Variants in PCDH15 observed in about 807,000 individuals in gnomAD.
PCDH15 encodes the protein protocadherin-15.
PCDH15 carries 129 observed loss-of-function variants against 178.5 expected under a neutral mutation model. The ratio of observed to expected loss-of-function variants is 0.72; its 90% CI spans 0.63 to 0.84. The LOEUF is 0.84. Ranked by LOEUF, PCDH15 falls within the 40% of genes least tolerant of loss-of-function variation. The pLI, the probability that PCDH15 is intolerant of heterozygous loss-of-function variation, is 0.00. For synonymous variants in PCDH15, 800 were observed against 732.0 expected (o/e 1.09, Z -1.50); for missense variants, 2,230 against 2,099.9 (o/e 1.06, Z -1.21).
chr10:55,622,527 T>A, intron 2 of PCDH15, among the ~76,000 whole-genome samples: 1 of 150,624 alleles, frequency 6.6e-6, no homozygotes, highest in East Asian at 1.9e-4. Context: ...TTACCCAACT[T>A]TACTCAGCTG....
At chr10:54,968,038 C>G (rs947613986) in intron 2 of PCDH15, among the ~76,000 whole-genome samples, 3 of 152,108 alleles carry the variant, frequency 2.0e-5, no homozygotes, top group Non-Finnish European at 4.4e-5. Context: ...TTAACATACG[C>G]ATTTTGGGGA....
chr10:53,991,353 C>T (rs1310787472), intron 21 of PCDH15, among the ~76,000 whole-genome samples: 3 of 152,126 alleles, frequency 2.0e-5, no homozygotes, highest in African/African-American at 7.2e-5. Context: ...CTGTGTCTAG[C>T]TTGGGGTTCG....
chr10:54,683,907 A>T (rs1442023835), intron 1 of PCDH15, among the ~76,000 whole-genome samples: 2 of 152,092 alleles, frequency 1.3e-5, no homozygotes, highest in South Asian at 2.1e-4. Flanking sequence ...TTTGAAAATC[A>T]TCTAGAAAGG....
chr10:54,879,470 T>G (rs1412228375), intron 3 of PCDH15, among the ~76,000 whole-genome samples: 1 of 152,090 alleles, frequency 6.6e-6, no homozygotes, highest in Non-Finnish European at 1.5e-5. Context: ...TAGAAAGATT[T>G]TATTCAAACT....
intron 9 of PCDH15, among the ~76,000 whole-genome samples, chr10:54,226,288 T>C (rs1043417223): frequency 5.9e-5 from 9 of 152,160 alleles, no homozygotes; most frequent in African/African-American, 2.2e-4. Flanking sequence ...AACTCTGCTT[T>C]TTAAAACCAT....
At chr10:55,115,663 C>T (rs534611719) in intron 2 of PCDH15, among the ~76,000 whole-genome samples, 1 of 152,228 alleles carries the variant, frequency 6.6e-6, no homozygotes, top group Non-Finnish European at 1.5e-5. Flanking sequence ...TGACAACCTG[C>T]TTGTTTCTGG....
At chr10:54,225,575 A>T (rs2053342859) in intron 9 of PCDH15, among the ~76,000 whole-genome samples, 1 of 152,196 alleles carries the variant, frequency 6.6e-6, no homozygotes, top group Non-Finnish European at 1.5e-5. Context: ...CCATTCCCTT[A>T]TAATCACTGA....
chr10:55,180,836 T>C (rs1484817865), intron 1 of PCDH15, among the ~76,000 whole-genome samples: 1 of 152,102 alleles, frequency 6.6e-6, no homozygotes, highest in Non-Finnish European at 1.5e-5. Flanking sequence ...TTGTTTTGAG[T>C]TAACACTTAT....
chr10:54,237,000 GC>G, intron 8 of PCDH15, 69 bp from the exon 9 acceptor site: 1 of 1,325,522 alleles, frequency 7.5e-7, no homozygotes, highest in Non-Finnish European at 1.1e-6. Context: ...TGAGACAGAT[GC>G]TTTAGTTTGG....
intron 1 of PCDH15, among the ~76,000 whole-genome samples, chr10:54,760,220 C>T (rs943318806): frequency 3.3e-5 from 5 of 151,844 alleles, no homozygotes; most frequent in East Asian, 1.9e-4. Context: ...CAACTGTTTT[C>T]CCAGAATATA....
At chr10:54,623,452 A>T (rs1030505862) in intron 2 of PCDH15, among the ~76,000 whole-genome samples, 1 of 152,124 alleles carries the variant, frequency 6.6e-6, no homozygotes, top group African/African-American at 2.4e-5. Flanking sequence ...TCATAACATG[A>T]AAGGATTAAG....
chr10:54,298,483 C>G (rs1164609144), intron 8 of PCDH15, among the ~76,000 whole-genome samples: 1 of 152,150 alleles, frequency 6.6e-6, no homozygotes, highest in African/African-American at 2.4e-5. Flanking sequence ...GGCCAATCAC[C>G]CAGTGGGGCT....
At chr10:54,608,236 G>A (rs2092831523) in intron 2 of PCDH15, among the ~76,000 whole-genome samples, 1 of 151,732 alleles carries the variant, frequency 6.6e-6, no homozygotes. Context: ...GGGAGGCCGA[G>A]GTGGCTGGAT....
intron 2 of PCDH15, among the ~76,000 whole-genome samples, chr10:55,583,456 C>T (rs556213832): frequency 6.6e-6 from 1 of 152,154 alleles, no homozygotes; most frequent in East Asian, 1.9e-4. Flanking sequence ...ATGTTTAAGA[C>T]AGGGTCTCAC....
At chr10:54,790,330 G>A (rs1951282884) in intron 1 of PCDH15, among the ~76,000 whole-genome samples, 1 of 150,978 alleles carries the variant, frequency 6.6e-6, no homozygotes, top group Non-Finnish European at 1.5e-5. Flanking sequence ...TTTTACATAT[G>A]TATATATTTA....
chr10:55,458,459 T>G (rs1341133382), intron 2 of PCDH15, among the ~76,000 whole-genome samples: 1 of 152,048 alleles, frequency 6.6e-6, no homozygotes, highest in Non-Finnish European at 1.5e-5. Context: ...TGATTCCTCT[T>G]AATCATACCA....
At chr10:54,680,186 A>C (rs1055900176) in intron 1 of PCDH15, among the ~76,000 whole-genome samples, 1 of 152,206 alleles carries the variant, frequency 6.6e-6, no homozygotes, top group Non-Finnish European at 1.5e-5. Context: ...GATAAGAGAT[A>C]AATGAAAATA....
intron 37 of PCDH15, chr10:53,808,716 A>C (rs572152722): frequency 1.9e-6 from 3 of 1,612,978 alleles, no homozygotes; most frequent in Non-Finnish European, 2.5e-6. Flanking sequence ...TGTAACCTTC[A>C]GAGTTTGCTC....
chr10:54,660,479 C>A lies in PCDH15; in HGVS notation c.91+3693G>T, dbSNP rs144287969. On this transcript the variant is annotated intron_variant, in intron 2 of 37. Coordinates refer to ENST00000644397, the MANE Select transcript of PCDH15 (RefSeq NM_001384140.1). Reference sequence around the variant, plus strand: ...GAAATTGAATTAGTAATAAAAAATCCATTTTCCAAAAAAAGCCAGGACCAA... The same window carrying A: ...GAAATTGAATTAGTAATAAAAAATCAATTTTCCAAAAAAAGCCAGGACCAA... 1.3e-4 allele frequency among the ~76,000 whole-genome samples: 20 copies of A among 151,972 alleles called. No individual in the cohort carries two copies. The East Asian group carries it at 3.7e-3, about 28-fold the overall frequency.
Sources: gnomAD v4.1 joint callset for allele counts (sites outside exome capture counted in the v4.1 genomes callset) on GRCh38, gnomAD v4.1.1 for gene constraint, MANE v1.5 for transcripts, NCBI Gene and HGNC (gene_info 2026-07-23, HGNC 2026-07-21) for gene names.